Variants in UBE3C observed in about 807,000 individuals in gnomAD.
UBE3C encodes the protein ubiquitin-protein ligase E3C.
A neutral mutation model predicts 129.4 loss-of-function variants in UBE3C; 42 were observed. The ratio of observed to expected loss-of-function variants is 0.32; its 90% CI spans 0.25 to 0.42. UBE3C has a LOEUF of 0.42. Among genes scored for constraint, UBE3C ranks in the 10% least tolerant of loss-of-function variants. UBE3C has a pLI of 1.00. For synonymous variants in UBE3C, 510 were observed against 492.4 expected (o/e 1.04, Z -0.47); for missense variants, 1,049 against 1,319.1 (o/e 0.80, Z 3.17).
intron 18 of UBE3C, among the ~76,000 whole-genome samples, chr7:157,242,850 T>A (rs1003086670): frequency 6.6e-5 from 10 of 151,486 alleles, no homozygotes; most frequent in Admixed American, 2.6e-4. Flanking sequence ...AGGTCAGGAG[T>A]TCTAGACCAG....
At chr7:157,188,495 T>G (rs1808869107) in intron 10 of UBE3C, among the ~76,000 whole-genome samples, 1 of 152,250 alleles carries the variant, frequency 6.6e-6, no homozygotes, top group South Asian at 2.1e-4. Flanking sequence ...ATGTGAGATC[T>G]GAGGATCGCA....
intron 10 of UBE3C, among the ~76,000 whole-genome samples, chr7:157,187,381 G>GTT (rs10637384): frequency 0.23 from 32,952 of 142,560 alleles, 4,922 homozygotes; most frequent in African/African-American, 0.4. Context: ...GTTTTATGGG[G>GTT]TTTTTTTTTT....
chr7:157,242,730 C>G (rs1025901691), intron 18 of UBE3C, among the ~76,000 whole-genome samples: 6 of 151,810 alleles, frequency 4.0e-5, no homozygotes, highest in Non-Finnish European at 7.4e-5. Context: ...GAGCCTGAAC[C>G]TGGAAGCCAT....
In UBE3C at chr7:157,181,667, G is replaced by T; in HGVS notation, c.766G>T (p.Ala256Ser). ...TACTTACAACTCCTGTCCGGAAGGT[G>T]CGAGGTGAGACTGGAATGGATTTAT... ...HFTYNSCPEG[A>S]RQQVFTAFTE... The change falls in exon 7 of 23, where the codon GCG becomes TCG. Residue 256 changes from alanine to serine, a missense_variant. Transcript: ENST00000348165. The T allele has an allele frequency of 6.2e-7, 1 of 1,613,116 alleles. No individual in the cohort carries two copies. The highest frequency in any genetic ancestry group is 8.5e-7 in the Non-Finnish European group (1 of 1,179,778).
chr7:157,191,334 C>G (rs1808960167), intron 10 of UBE3C, among the ~76,000 whole-genome samples: 1 of 152,234 alleles, frequency 6.6e-6, no homozygotes, highest in African/African-American at 2.4e-5. Flanking sequence ...CTTTGTCACC[C>G]AGGCTGGAGT....
At chr7:157,200,748 C>T (rs538714181) in intron 10 of UBE3C, among the ~76,000 whole-genome samples, 8 of 152,176 alleles carry the variant, frequency 5.3e-5, no homozygotes, top group African/African-American at 1.9e-4. Flanking sequence ...GATTCTCCTA[C>T]CTCAACCTCA....
In UBE3C at chr7:157,248,576, C is replaced by T. The variant is rs369945925; in HGVS notation, c.2690C>T (p.Ala897Val). Residue 897 changes from alanine to valine, a missense_variant, in exon 19 of 23, where the codon GCG becomes GTG. By Grantham distance (64) the Ala-to-Val change is moderately conservative (BLOSUM62 0). Coordinates refer to ENST00000348165, the MANE Select transcript of UBE3C (RefSeq NM_014671.3). ...FTVVNNDLGE[A>V]QVVELKFGGK... Reference sequence around the variant, plus strand: ...GTGGTGAACAATGACCTGGGAGAGGCGCAGGTGAGGGGTCAGGAGGAGGAT... The same window carrying T: ...GTGGTGAACAATGACCTGGGAGAGGTGCAGGTGAGGGGTCAGGAGGAGGAT... The T allele has an allele frequency of 2.5e-5, 40 of 1,612,042 alleles. No individual in the cohort carries two copies. Among genetic ancestry groups the T allele is most frequent in the South Asian group, 7.7e-5 (7 of 90,988 alleles).
At chr7:157,175,585 GT>G (rs1400684209) in intron 5 of UBE3C, among the ~76,000 whole-genome samples, 1 of 152,160 alleles carries the variant, frequency 6.6e-6, no homozygotes, top group Non-Finnish European at 1.5e-5. Context: ...TATCTCAACT[GT>G]AGTAAAATTT....
At chr7:157,255,306 A>G (rs528122068) in intron 21 of UBE3C, among the ~76,000 whole-genome samples, 2 of 152,242 alleles carry the variant, frequency 1.3e-5, no homozygotes, top group Non-Finnish European at 2.9e-5. Context: ...CTAGCTGTCT[A>G]CTGGTGCAAG....
rs79335485 is a variant in UBE3C, at chr7:157,165,859, C to T, written c.120+1996C>T. Among the ~76,000 whole-genome samples the T allele has an allele frequency of 9.3e-3, 1,419 of 152,030 alleles. 24 individuals are homozygous for T. Among genetic ancestry groups the T allele is most frequent in the African/African-American group, 0.033 (1,365 of 41,452 alleles). On this transcript the variant is annotated intron_variant, in intron 2 of 22. Coordinates refer to ENST00000348165, the MANE Select transcript of UBE3C (RefSeq NM_014671.3). ...TTTAAACTCCAGTAATTGGATCTTC[C>T]GTGGGGTTTGTTTCTATTGTTTGTC... is the stretch of plus-strand genomic sequence containing the variant.
intron 10 of UBE3C, among the ~76,000 whole-genome samples, chr7:157,188,103 T>C (rs1034470986): frequency 6.6e-6 from 1 of 152,236 alleles, no homozygotes; most frequent in Non-Finnish European, 1.5e-5. Flanking sequence ...CAGAAAAGTA[T>C]TCAATTGGAT....
intron 18 of UBE3C, among the ~76,000 whole-genome samples, chr7:157,233,845 A>G (rs559721531): frequency 3.9e-5 from 6 of 152,336 alleles, no homozygotes; most frequent in African/African-American, 9.6e-5. Flanking sequence ...GTGACTCCAC[A>G]TCGTTGTCAG....
chr7:157,141,768 C>T (rs2116776712), intron 1 of UBE3C, among the ~76,000 whole-genome samples: 1 of 152,330 alleles, frequency 6.6e-6, no homozygotes, highest in South Asian at 2.1e-4. Flanking sequence ...CATGGAGCCA[C>T]TCACCACTTG....
chr7:157,191,408 A>C (rs568671436), intron 10 of UBE3C, among the ~76,000 whole-genome samples: 1 of 152,196 alleles, frequency 6.6e-6, no homozygotes, highest in African/African-American at 2.4e-5. Flanking sequence ...CTCCTACCTC[A>C]GCACCCTTGA....
intron 10 of UBE3C, among the ~76,000 whole-genome samples, chr7:157,195,213 A>G (rs1204301631): frequency 6.6e-6 from 1 of 152,226 alleles, no homozygotes; most frequent in Non-Finnish European, 1.5e-5. Flanking sequence ...GGGATTTTCC[A>G]GGAAAGATAT....
At position 157,201,637 on chromosome 7, in the gene UBE3C, C is replaced by CTTT. The variant is rs10713758; in HGVS notation, c.1332-65_1332-63dup. The CTTT allele has an allele frequency of 1.3e-3, 293 of 223,074 alleles. 20 individuals carry two copies. Among genetic ancestry groups the CTTT allele is most frequent in the East Asian group, 4.8e-3 (22 of 4,600 alleles). 13.8% of individuals were successfully genotyped at this position (223,074 alleles called of 1,614,324 possible). On this transcript the variant is annotated intron_variant, in intron 10 of 22. Coordinates refer to ENST00000348165, the MANE Select transcript of UBE3C (RefSeq NM_014671.3). ...TTGTACGTTGATCTTCAGTGTATCGCTTTTTTTTTTTTTTTTTTTTTAAGA... is the reference window on the plus strand; with the variant it reads ...TTGTACGTTGATCTTCAGTGTATCGCTTTTTTTTTTTTTTTTTTTTTTTTAAGA...
At chr7:157,215,825 C>CT (rs1367968795) in intron 13 of UBE3C, among the ~76,000 whole-genome samples, 1 of 152,018 alleles carries the variant, frequency 6.6e-6, no homozygotes, top group Non-Finnish European at 1.5e-5. Context: ...CGGTAGAGAA[C>CT]TTCAGGTCTT....
At chr7:157,235,744 C>T (rs1172006726) in intron 18 of UBE3C, among the ~76,000 whole-genome samples, 1 of 152,172 alleles carries the variant, frequency 6.6e-6, no homozygotes, top group Admixed American at 6.5e-5. Flanking sequence ...TGGTAGTTAA[C>T]TTAGTTTCAC....
intron 10 of UBE3C, among the ~76,000 whole-genome samples, chr7:157,190,916 C>A (rs1808945056): frequency 6.6e-6 from 1 of 152,154 alleles, no homozygotes; most frequent in South Asian, 2.1e-4. Context: ...GTGCCCCTTT[C>A]CTTTTGCGTA....
Sources: gnomAD v4.1 joint callset for allele counts (sites outside exome capture counted in the v4.1 genomes callset) on GRCh38, gnomAD v4.1.1 for gene constraint, MANE v1.5 for transcripts, NCBI Gene and HGNC (gene_info 2026-07-23, HGNC 2026-07-21) for gene names.